The following GPR108 variants were observed in gnomAD, a reference collection of about 807,000 sequenced individuals.
GPR108 encodes the protein protein GPR108.
Under a neutral mutation model 74.3 loss-of-function variants are expected in GPR108, and 60 were observed. That is an observed-to-expected ratio of 0.81 (90% CI 0.66 to 1.00). GPR108 has a LOEUF of 1.00. GPR108 is among the 50% of genes least tolerant of loss of function. The probability of loss-of-function intolerance (pLI) is 0.00; values close to 1 mark genes in which losing one functional copy is unlikely to be tolerated. For synonymous variants in GPR108, 311 were observed against 292.4 expected, an observed-to-expected ratio of 1.06 and a Z score of -0.65; for missense variants, 667 against 703.3, an observed-to-expected ratio of 0.95 and a Z score of 0.58.
intron 4 of GPR108, 135 bp from the exon 5 acceptor site, chr19:6,734,442 T>C (rs1968549687): frequency 1.2e-6 from 1 of 824,722 alleles, no homozygotes; most frequent in South Asian, 1.8e-5. Context: ...CAGTTATCAC[T>C]GAGTTTCAGC....
At chr19:6,730,472 TC>T in intron 17 of GPR108, 88 bp from the exon 18 acceptor site, 7 of 999,002 alleles carry the variant, frequency 7.0e-6, no homozygotes, top group Non-Finnish European at 7.4e-6. Context: ...CCCGCCCCAC[TC>T]CCCCCAACCA....
chr19:6,730,624 C>T lies in GPR108; in HGVS notation c.1560-240G>A, dbSNP rs550282583. On this transcript the variant is annotated intron_variant, in intron 17 of 17. Coordinates refer to ENST00000264080, the MANE Select transcript of GPR108 (RefSeq NM_001080452.2). ...CAGCCCTGGCCCCACCCACTCTACC[C>T]GTAACCACTCAGGCCCCGCCCACCT... 556 of 581,908 alleles carry T rather than the reference C, an allele frequency of 9.6e-4. 5 individuals are homozygous for T. Among genetic ancestry groups the T allele is most frequent in the African/African-American group, 9.3e-3 (495 of 53,208 alleles). 36.0% of individuals were successfully genotyped at this position (581,908 alleles called of 1,614,324 possible). A position where few individuals can be genotyped will look rare whatever the true frequency, so the allele number is the denominator to read the frequency against.
chr19:6,734,153 AC>A (rs1599545280), intron 5 of GPR108, 29 bp downstream of exon 5: 4 of 1,613,830 alleles, frequency 2.5e-6, no homozygotes, highest in Non-Finnish European at 3.4e-6. Context: ...CTGCCCATCC[AC>A]CCCCGTCTGC....
intron 6 of GPR108, 36 bp downstream of exon 6, chr19:6,733,969 G>C: frequency 1.2e-6 from 2 of 1,614,142 alleles, no homozygotes; most frequent in Non-Finnish European, 1.7e-6. Flanking sequence ...GGGCCCTGGG[G>C]TGTGCATCTT....
chr19:6,732,600 C>CTGACGGTGGT, intron 10 of GPR108, 51 bp from the exon 11 acceptor site: 1 of 1,414,242 alleles, frequency 7.1e-7, no homozygotes. Flanking sequence ...GGGTGGGAGG[C>CTGACGGTGGT]TGATGGTGGT....
At chr19:6,736,520 G>C in intron 2 of GPR108, 72 bp downstream of exon 2, 1 of 1,467,404 alleles carries the variant, frequency 6.8e-7, no homozygotes, top group East Asian at 2.4e-5. Flanking sequence ...CATGGGTAGC[G>C]GCAGAGCTGG....
chr19:6,732,794 G>A (rs967391760), intron 10 of GPR108, 193 bp downstream of exon 10: 1 of 653,326 alleles, frequency 1.5e-6, no homozygotes, highest in African/African-American at 1.8e-5. Flanking sequence ...CCAAGGGACA[G>A]TGGTGGACAG....
At position 6,730,245 on chromosome 19, in the gene GPR108, G is replaced by C; in HGVS notation, c.*67C>G. 6.9e-7 allele frequency: 1 copy of C among 1,458,880 alleles called. No individual in the cohort carries two copies. The highest frequency in any genetic ancestry group is 9.6e-7 in the Non-Finnish European group (1 of 1,038,632). 90.4% of individuals were successfully genotyped at this position (1,458,880 alleles called of 1,614,324 possible). A position where few individuals can be genotyped will look rare whatever the true frequency, so the allele number is the denominator to read the frequency against. ...CCCCCTCCACCTCCCCACATACGCTGTGGAAGAAGGGCAGGAGTGAGAAAT... is the reference window on the plus strand; with the variant it reads ...CCCCCTCCACCTCCCCACATACGCTCTGGAAGAAGGGCAGGAGTGAGAAAT... On this transcript the variant is annotated 3_prime_UTR_variant, in exon 18 of 18. Coordinates refer to ENST00000264080, the MANE Select transcript of GPR108 (RefSeq NM_001080452.2).
At chr19:6,736,981 G>T (rs1432938883) in intron 1 of GPR108, 12 of 475,158 alleles carry the variant, frequency 2.5e-5, no homozygotes, top group Non-Finnish European at 3.8e-5. Context: ...CCGGAGAACA[G>T]TTATTCACCT....
chr19:6,735,552 G>T, intron 4 of GPR108, 70 bp downstream of exon 4: 1 of 1,320,086 alleles, frequency 7.6e-7, no homozygotes, highest in Non-Finnish European at 1.1e-6. Flanking sequence ...GATCAGCCCA[G>T]GTGCGTGTGG....
Position 6,730,291 on chromosome 19 carries a change from T to C in GPR108, c.*21A>G. 2 of 1,608,302 alleles carry C rather than the reference T, an allele frequency of 1.2e-6. No homozygotes were observed. The highest frequency in any genetic ancestry group is 2.2e-5 in the East Asian group (1 of 44,864). Reference sequence around the variant, plus strand: ...GAAATGCTGGGGGAGGACGACCCTTTGGTCTGAGATGTGGAGGTGATCATA... The same window carrying C: ...GAAATGCTGGGGGAGGACGACCCTTCGGTCTGAGATGTGGAGGTGATCATA... On this transcript the variant is annotated 3_prime_UTR_variant, in exon 18 of 18. Transcript: ENST00000264080.
rs1320935823 is a variant in GPR108 at position 6,736,931 on chromosome 19, C to T, written c.121-220G>A. ...TTCTGAGAACCCAGGAACAGAGATC[C>T]TGCGGCACCTGGAAGTCTCCCCACT... On this transcript the variant is annotated intron_variant, in intron 1 of 17. Transcript: ENST00000264080. 2.0e-5 allele frequency: 12 copies of T among 597,688 alleles called. No individual in the cohort carries two copies. In the East Asian group the frequency reaches 2.8e-4, roughly 14 times the overall value. The allele number at this position is 597,688 out of a possible 1,614,324, so 37.0% of individuals were successfully genotyped here.
At chr19:6,731,366 G>A (rs1968395076) in intron 15 of GPR108, 84 bp from the exon 16 acceptor site, 12 of 1,491,578 alleles carry the variant, frequency 8.0e-6, no homozygotes, top group Non-Finnish European at 7.2e-6. Flanking sequence ...GCGGGCTGGG[G>A]AGCCTGGATG....
chr19:6,734,016 CG>C lies in GPR108; in HGVS notation c.537del (p.Ala180GlnfsTer2). On this transcript the variant is annotated frameshift_variant, in exon 6 of 18. Transcript: ENST00000264080. LOFTEE classifies it high-confidence loss of function. ...CGCCTCCCCGAAACCTGAATCACTG[CG>C]GGTGTTGACTTGGGCTTGCTGGCTG... ...TSAASKPKST[P>X]AVIQGPSGKD... 1 of 1,614,148 alleles carries C rather than the reference CG, an allele frequency of 6.2e-7. No individual in the cohort carries two copies. Among genetic ancestry groups the C allele is most frequent in the South Asian group, 1.1e-5 (1 of 91,076 alleles).
intron 2 of GPR108, 83 bp downstream of exon 2, chr19:6,736,509 A>C: frequency 7.2e-7 from 1 of 1,388,302 alleles, no homozygotes; most frequent in Non-Finnish European, 1.0e-6. Context: ...GTACAAGATC[A>C]CATGGGTAGC....
chr19:6,734,285 C>G lies in GPR108; in HGVS notation c.397G>C (p.Glu133Gln), dbSNP rs146519000. Residue 133 changes from glutamate to glutamine, a missense_variant, in exon 5 of 18, where the codon GAG (glutamate) becomes CAG (glutamine). By Grantham distance (29) the Glu-to-Gln change is conservative (BLOSUM62 2). Transcript: ENST00000264080. ...DLQVQVRKYG[E>Q]QKTLFIFPGL... is the part of the protein sequence containing the mutation. Reference sequence around the variant, plus strand: ...GGAAAGATAAACAACGTCTTCTGCTCTCCATACTTCCGCACCTGGACCCTG... The same window carrying G: ...GGAAAGATAAACAACGTCTTCTGCTGTCCATACTTCCGCACCTGGACCCTG... 297 of 1,613,874 alleles carry G rather than the reference C, an allele frequency of 1.8e-4. 3 individuals carry two copies. The East Asian group carries it at 4.8e-3, about 26-fold the overall frequency.
In GPR108 at chr19:6,733,566, T is replaced by C. The variant is rs1415827660; in HGVS notation, c.723+4A>G. ...CTGGCCCTGCTGCCCTCCACTCCGCTCACCGTGATGTCGAATGGATGCTCC... is the reference window on the plus strand; with the variant it reads ...CTGGCCCTGCTGCCCTCCACTCCGCCCACCGTGATGTCGAATGGATGCTCC... On this transcript the variant is annotated splice_donor_region_variant and intron_variant, in intron 8 of 17. Coordinates refer to ENST00000264080, the MANE Select transcript of GPR108 (RefSeq NM_001080452.2). 22 of 1,613,598 alleles carry C rather than the reference T, an allele frequency of 1.4e-5. No homozygotes were observed. Among genetic ancestry groups the C allele is most frequent in the Non-Finnish European group, 1.9e-5 (22 of 1,179,530 alleles).
In GPR108 at chr19:6,734,260, G is replaced by C; in HGVS notation, c.422C>G (p.Pro141Arg). ...YGEQKTLFIF[P>R]GLLPEAPSKP... ...GGAGGGTGCTTCCGGGAGGAGCCCGGGAAAGATAAACAACGTCTTCTGCTC... is the reference window on the plus strand; with the variant it reads ...GGAGGGTGCTTCCGGGAGGAGCCCGCGAAAGATAAACAACGTCTTCTGCTC... Residue 141 changes from proline (P) to arginine (R), a missense_variant, in exon 5 of 18, where the codon CCC becomes CGC. Pro to Arg is a moderately radical substitution (Grantham distance 103, BLOSUM62 -2). Transcript: ENST00000264080. The C allele has an allele frequency of 6.2e-7, 1 of 1,614,142 alleles. No homozygotes were observed. Among genetic ancestry groups the C allele is most frequent in the South Asian group, 1.1e-5 (1 of 91,078 alleles).
At chr19:6,733,473 G>A (rs933706275) in intron 8 of GPR108, 97 bp downstream of exon 8, 21 of 1,391,794 alleles carry the variant, frequency 1.5e-5, no homozygotes, top group African/African-American at 4.3e-5. Flanking sequence ...CTTCGCACCC[G>A]GGAGGGCTGG....
Sources: gnomAD v4.1 joint callset for allele counts on GRCh38, gnomAD v4.1.1 for gene constraint, MANE v1.5 for transcripts, NCBI Gene and HGNC (gene_info 2026-07-23, HGNC 2026-07-21) for gene names.